Variants in KLHL8 observed in about 807,000 individuals in gnomAD.
KLHL8 encodes kelch-like protein 8.
Under a neutral mutation model 63.5 loss-of-function variants are expected in KLHL8, and 38 were observed. The ratio of observed to expected loss-of-function variants is 0.60; its 90% confidence interval spans 0.46 to 0.78. The LOEUF (loss-of-function observed/expected upper bound fraction) is 0.78. Ranked by LOEUF, KLHL8 falls within the 30% of genes least tolerant of loss-of-function variation. The pLI, the probability that KLHL8 is intolerant of heterozygous loss-of-function variation, is 0.00. For missense variants in KLHL8, 566 were observed against 752.4 expected, an observed-to-expected ratio of 0.75 and a Z score of 2.90; for synonymous variants, 224 against 254.3, an observed-to-expected ratio of 0.88 and a Z score of 1.13.
At chr4:87,217,941 T>C (rs556146079) in intron 1 of KLHL8, among the ~76,000 whole-genome samples, 5 of 152,344 alleles carry the variant, frequency 3.3e-5, no homozygotes, top group African/African-American at 4.8e-5. Flanking sequence ...AAAATGACAA[T>C]ATCCATTTCA....
At chr4:87,228,989 A>C (rs1207347200) in intron 1 of KLHL8, among the ~76,000 whole-genome samples, 1 of 152,258 alleles carries the variant, frequency 6.6e-6, no homozygotes, top group African/African-American at 2.4e-5. Flanking sequence ...GGAGTTTAAA[A>C]GCCAACATTG....
In KLHL8 at chr4:87,163,361, G is replaced by A; in HGVS notation, c.*158C>T. ...AACTCTATTACTAATAATTCTTCAG[G>A]TATCATTCCAAAAGTTGTACTTAGT... is the stretch of plus-strand genomic sequence containing the variant. On this transcript the variant is annotated 3_prime_UTR_variant, in exon 10 of 10. Transcript: ENST00000273963. The A allele has an allele frequency of 1.7e-6, 1 of 599,366 alleles. No individual in the cohort carries two copies. The highest frequency in any genetic ancestry group is 2.7e-6 in the Non-Finnish European group (1 of 365,092). The allele number at this position is 599,366 out of a possible 1,614,324, so 37.1% of individuals were successfully genotyped here.
chr4:87,219,538 T>C (rs1732735902), intron 1 of KLHL8: 1 of 152,090 alleles, frequency 6.6e-6, no homozygotes, highest in Non-Finnish European at 1.5e-5. Context: ...CAGATGAAAA[T>C]ACTGAACGTT....
intron 1 of KLHL8, among the ~76,000 whole-genome samples, chr4:87,230,919 G>A (rs1325123103): frequency 2.0e-5 from 3 of 152,166 alleles, no homozygotes; most frequent in Non-Finnish European, 4.4e-5. Flanking sequence ...TTTTGCACGC[G>A]TCAATATGTA....
chr4:87,235,464 T>C (rs1733209882), intron 1 of KLHL8, among the ~76,000 whole-genome samples: 1 of 152,168 alleles, frequency 6.6e-6, no homozygotes, highest in African/African-American at 2.4e-5. Context: ...GCACATTCCC[T>C]GATGTTCACA....
At chr4:87,236,621 TGCGTACC>T (rs1733235032) in intron 1 of KLHL8, among the ~76,000 whole-genome samples, 2 of 151,680 alleles carry the variant, frequency 1.3e-5, no homozygotes, top group Non-Finnish European at 2.9e-5. Flanking sequence ...TTTTATTCAT[TGCGTACC>T]TTTTGAAAAG....
chr4:87,194,778 TGAG>T (rs967613768), intron 2 of KLHL8, among the ~76,000 whole-genome samples: 3 of 152,240 alleles, frequency 2.0e-5, no homozygotes, highest in African/African-American at 7.2e-5. Flanking sequence ...CAAAGTTCAC[TGAG>T]GACTTTTTCA....
chr4:87,172,513 C>T (rs1035999244), intron 6 of KLHL8, among the ~76,000 whole-genome samples: 1 of 152,148 alleles, frequency 6.6e-6, no homozygotes, highest in African/African-American at 2.4e-5. Context: ...TTAATACAAC[C>T]CCATCACAAA....
intron 1 of KLHL8, chr4:87,207,200 G>T: frequency 1.8e-6 from 1 of 570,648 alleles, no homozygotes; most frequent in Non-Finnish European, 3.3e-6. Flanking sequence ...CCGCTTCATT[G>T]ACCTCAACTA....
At chr4:87,226,215 A>G (rs1382144482) in intron 1 of KLHL8, among the ~76,000 whole-genome samples, 3 of 152,156 alleles carry the variant, frequency 2.0e-5, no homozygotes, top group Non-Finnish European at 4.4e-5. Context: ...TTCCATTGCA[A>G]TTTGTATTCC....
intron 1 of KLHL8, among the ~76,000 whole-genome samples, chr4:87,196,363 A>G (rs1036453267): frequency 3.9e-5 from 6 of 152,244 alleles, no homozygotes; most frequent in Non-Finnish European, 7.4e-5. Context: ...CCAGCTATAC[A>G]ATTTAGTAAT....
chr4:87,221,417 A>AAT (rs1732843912), upstream of KLHL8: 1 of 150,304 alleles, frequency 6.7e-6, no homozygotes, highest in Non-Finnish European at 1.5e-5. Context: ...AAAAAAAAAA[A>AAT]GCAATGCAAG....
intron 4 of KLHL8, among the ~76,000 whole-genome samples, chr4:87,182,382 C>G (rs1731089412): frequency 6.6e-6 from 1 of 151,796 alleles, no homozygotes; most frequent in African/African-American, 2.4e-5. Flanking sequence ...TAGATAAAAT[C>G]TCATTCTACT....
chr4:87,176,942 A>T, intron 5 of KLHL8, 74 bp from the exon 6 acceptor site: 1 of 685,548 alleles, frequency 1.5e-6, no homozygotes, highest in Non-Finnish European at 2.4e-6. Context: ...ATATATAAAC[A>T]TTATATAATT....
intron 1 of KLHL8, among the ~76,000 whole-genome samples, chr4:87,229,756 A>T (rs1347297052): frequency 7.0e-6 from 1 of 142,238 alleles, no homozygotes; most frequent in Non-Finnish European, 1.5e-5. Flanking sequence ...TTTGAGATGG[A>T]GTCTCACTCT....
At position 87,174,260 on chromosome 4, in the gene KLHL8, G is replaced by GTA. The variant is rs754401717; in HGVS notation, c.1208+2495_1208+2496dup. ...CATATATATGTGTGTATGTGTGTGT[G>GTA]TATATATATATATCACCTGCAAGTT... On this transcript the variant is annotated intron_variant, in intron 6 of 9. Coordinates refer to ENST00000273963, the MANE Select transcript of KLHL8 (RefSeq NM_020803.5). Among the ~76,000 whole-genome samples the GTA allele has an allele frequency of 2.9e-3, 439 of 149,246 alleles. 3 individuals carry two copies. The highest frequency in any genetic ancestry group is 6.1e-3 in the East Asian group (31 of 5,102).
At chr4:87,198,026 A>C (rs1291948385) in intron 1 of KLHL8, among the ~76,000 whole-genome samples, 1 of 151,264 alleles carries the variant, frequency 6.6e-6, no homozygotes, top group Non-Finnish European at 1.5e-5. Flanking sequence ...AAAAAAAAAA[A>C]ACCACTTAGT....
chr4:87,239,232 TA>T (rs1219776274), intron 1 of KLHL8, among the ~76,000 whole-genome samples: 1 of 152,196 alleles, frequency 6.6e-6, no homozygotes, highest in Non-Finnish European at 1.5e-5. Flanking sequence ...AGCGTTTCTT[TA>T]AAAGCCTGGA....
rs142791143 is a variant in KLHL8, at chr4:87,173,353, C to G, written c.1209-2738G>C. Among the ~76,000 whole-genome samples the G allele has an allele frequency of 6.2e-3, 938 of 152,246 alleles. 13 individuals are homozygous for G. Among genetic ancestry groups the G allele is most frequent in the African/African-American group, 0.021 (888 of 41,554 alleles). On this transcript the variant is annotated intron_variant, in intron 6 of 9. Transcript: ENST00000273963. Reference sequence around the variant, plus strand: ...GAGACACTGGCTATGTTTTCTACTGCTGGTAGCAAAAAACAAAGTTGTATC... The same window carrying G: ...GAGACACTGGCTATGTTTTCTACTGGTGGTAGCAAAAAACAAAGTTGTATC...
Sources: gnomAD v4.1 joint callset for allele counts (sites outside exome capture counted in the v4.1 genomes callset) on GRCh38, gnomAD v4.1.1 for gene constraint, MANE v1.5 for transcripts, NCBI Gene and HGNC (gene_info 2026-07-23, HGNC 2026-07-21) for gene names.